The following LRCH1 variants were observed in gnomAD, a reference collection of about 807,000 sequenced individuals.
LRCH1 encodes leucine-rich repeat and calponin homology domain-containing protein 1.
A neutral mutation model predicts 94.9 loss-of-function variants in LRCH1; 23 were observed. The observed-to-expected ratio is 0.24, with a 90% CI of 0.17 to 0.34. The LOEUF (loss-of-function observed/expected upper bound fraction) is 0.34. Among genes scored for constraint, LRCH1 ranks in the 10% least tolerant of loss-of-function variants. The pLI, the probability that LRCH1 is intolerant of heterozygous loss-of-function variation, is 1.00. For synonymous variants in LRCH1, 364 were observed against 354.9 expected (o/e 1.03, Z -0.29); for missense variants, 790 against 945.9 (o/e 0.84, Z 2.16).
chr13:46,725,109 A>G (rs1393353996), intron 17 of LRCH1, among the ~76,000 whole-genome samples: 1 of 152,228 alleles, frequency 6.6e-6, no homozygotes, highest in East Asian at 1.9e-4. Context: ...CAGAAATGGA[A>G]AACCAAATAC....
intron 18 of LRCH1, 107 bp from the exon 19 acceptor site, chr13:46,733,814 A>C (rs923611191): frequency 3.3e-6 from 2 of 612,270 alleles, no homozygotes; most frequent in Non-Finnish European, 5.7e-6. Flanking sequence ...CTTTTGCTCC[A>C]ATAAACATGT....
intron 10 of LRCH1, 121 bp downstream of exon 10, chr13:46,699,524 A>T: frequency 8.4e-6 from 7 of 838,046 alleles, no homozygotes. Context: ...ATATTCTTAC[A>T]GACAATATTG....
intron 1 of LRCH1, among the ~76,000 whole-genome samples, chr13:46,599,540 G>A (rs959613714): frequency 6.6e-6 from 1 of 152,142 alleles, no homozygotes; most frequent in African/African-American, 2.4e-5. Context: ...GTAGCTGACT[G>A]ATAATTATGA....
chr13:46,650,179 A>T (rs1206781224), intron 1 of LRCH1, 22 bp from the exon 2 acceptor site: 5 of 1,577,586 alleles, frequency 3.2e-6, no homozygotes, highest in African/African-American at 1.4e-5. Flanking sequence ...TGTTGAGAAA[A>T]TATTCTCTCC....
chr13:46,649,138 G>A (rs1335681453), intron 1 of LRCH1, among the ~76,000 whole-genome samples: 3 of 152,124 alleles, frequency 2.0e-5, no homozygotes, highest in African/African-American at 4.8e-5. Context: ...TTGGAGGGAA[G>A]GTGGCTCTTT....
intron 1 of LRCH1, among the ~76,000 whole-genome samples, chr13:46,642,857 C>G (rs764959709): frequency 6.6e-6 from 1 of 152,128 alleles, no homozygotes; most frequent in Non-Finnish European, 1.5e-5. Context: ...TCTCAAGAAT[C>G]CTGATGTCCA....
downstream of LRCH1, chr13:46,745,017 C>G: frequency 1.6e-6 from 1 of 615,548 alleles, no homozygotes; most frequent in Non-Finnish European, 2.0e-6. Context: ...TGAGCAATCT[C>G]TGCAAGGCCC....
chr13:46,586,114 G>A (rs1006140659), intron 1 of LRCH1, among the ~76,000 whole-genome samples: 1 of 152,182 alleles, frequency 6.6e-6, no homozygotes, highest in Non-Finnish European at 1.5e-5. Flanking sequence ...CAGGAACATG[G>A]CAATGGAACA....
chr13:46,624,078 C>G (rs762086690), intron 1 of LRCH1, among the ~76,000 whole-genome samples: 1 of 151,954 alleles, frequency 6.6e-6, no homozygotes, highest in Non-Finnish European at 1.5e-5. Flanking sequence ...GAGATGAGGT[C>G]TCTCTATGTT....
intron 1 of LRCH1, among the ~76,000 whole-genome samples, chr13:46,585,644 T>A (rs2050426993): frequency 6.6e-6 from 1 of 151,908 alleles, no homozygotes; most frequent in Admixed American, 6.6e-5. Context: ...TTGTCCTGAA[T>A]ATGCTTTATG....
intron 1 of LRCH1, among the ~76,000 whole-genome samples, chr13:46,613,364 G>T (rs1467511949): frequency 6.6e-6 from 1 of 150,998 alleles, no homozygotes; most frequent in Non-Finnish European, 1.5e-5. Flanking sequence ...CTCCTGCCTG[G>T]TGACAGAGCG....
At chr13:46,579,434 G>T (rs1169476801) in intron 1 of LRCH1, among the ~76,000 whole-genome samples, 3 of 147,254 alleles carry the variant, frequency 2.0e-5, no homozygotes, top group Non-Finnish European at 4.5e-5. Context: ...GTTATTTTTA[G>T]TTATTTTTTC....
intron 1 of LRCH1, among the ~76,000 whole-genome samples, chr13:46,619,547 G>A (rs1394267260): frequency 6.6e-6 from 1 of 152,224 alleles, no homozygotes; most frequent in Non-Finnish European, 1.5e-5. Flanking sequence ...GGGCCAGAGT[G>A]CAGGACAGAG....
chr13:46,660,606 A>G (rs1301087280), intron 2 of LRCH1, among the ~76,000 whole-genome samples: 2 of 152,218 alleles, frequency 1.3e-5, no homozygotes, highest in Non-Finnish European at 2.9e-5. Flanking sequence ...TCTTTTCAGT[A>G]TTTGACATGA....
chr13:46,699,860 G>A (rs1332779649), intron 10 of LRCH1, among the ~76,000 whole-genome samples: 2 of 152,102 alleles, frequency 1.3e-5, no homozygotes, highest in Non-Finnish European at 2.9e-5. Context: ...CATGTGCCAG[G>A]CATTGTCCTA....
chr13:46,656,002 A>G (rs1263391077), intron 2 of LRCH1, among the ~76,000 whole-genome samples: 1 of 152,230 alleles, frequency 6.6e-6, no homozygotes, highest in Admixed American at 6.5e-5. Context: ...ACAAAATGTT[A>G]TCACACCATA....
In LRCH1 at chr13:46,742,034, G is replaced by A. The variant is rs1467766895; in HGVS notation, c.*186G>A. The A allele has an allele frequency of 4.1e-5, 59 of 1,443,852 alleles. No individual in the cohort carries two copies. The highest frequency in any genetic ancestry group is 5.3e-5 in the Non-Finnish European group (59 of 1,104,992). The allele number at this position is 1,443,852 out of a possible 1,614,324, so 89.4% of individuals were successfully genotyped here. ...CACAAACTTTGTAGAATACAGTTTAGTATAATTCCTCTCACTTACTGAAAT... is the reference window on the plus strand; with the variant it reads ...CACAAACTTTGTAGAATACAGTTTAATATAATTCCTCTCACTTACTGAAAT... On this transcript the variant is annotated 3_prime_UTR_variant, in exon 20 of 20. Coordinates refer to ENST00000389797, the MANE Select transcript of LRCH1 (RefSeq NM_001164211.2).
At chr13:46,563,927 T>C (rs184662398) in intron 1 of LRCH1, among the ~76,000 whole-genome samples, 3 of 152,182 alleles carry the variant, frequency 2.0e-5, no homozygotes, top group Non-Finnish European at 4.4e-5. Flanking sequence ...GGAGGTGACA[T>C]TGGGATGAAG....
At chr13:46,692,395 G>T in intron 7 of LRCH1, 141 bp from the exon 8 acceptor site, 2 of 565,320 alleles carry the variant, frequency 3.5e-6, no homozygotes, top group East Asian at 3.0e-5. Flanking sequence ...TTACATAAGT[G>T]GAATTGACCT....
Sources: gnomAD v4.1 joint callset for allele counts (sites outside exome capture counted in the v4.1 genomes callset) on GRCh38, gnomAD v4.1.1 for gene constraint, MANE v1.5 for transcripts, NCBI Gene and HGNC (gene_info 2026-07-23, HGNC 2026-07-21) for gene names.